The following SPRED1 variants were observed in gnomAD, a reference collection of about 807,000 sequenced individuals.
SPRED1 encodes sprouty-related, EVH1 domain-containing protein 1.
Under a neutral mutation model 52.3 loss-of-function variants are expected in SPRED1, and 18 were observed. The ratio of observed to expected loss-of-function variants is 0.34; its 90% confidence interval spans 0.24 to 0.51. The LOEUF is 0.51. Among genes scored for constraint, SPRED1 ranks in the 20% least tolerant of loss-of-function variants. SPRED1 has a pLI of 0.97. For synonymous variants in SPRED1, 155 were observed against 179.7 expected, an observed-to-expected ratio of 0.86 and a Z score of 1.10; for missense variants, 485 against 551.0, an observed-to-expected ratio of 0.88 and a Z score of 1.20.
At position 38,259,315 on chromosome 15, in the gene SPRED1, G is replaced by A. The variant is rs1214201302; in HGVS notation, c.32+6098G>A. ...TGTCCAGGCTGGAGGGCAGTACAGTGGTATGATCATAGCTCACTGCAGCCT... is the reference window on the plus strand; with the variant it reads ...TGTCCAGGCTGGAGGGCAGTACAGTAGTATGATCATAGCTCACTGCAGCCT... On this transcript the variant is annotated intron_variant, in intron 1 of 6. Transcript: ENST00000299084. Among the ~76,000 whole-genome samples, 4 of 152,226 alleles carry A rather than the reference G, an allele frequency of 2.6e-5. No homozygotes were observed. The East Asian group carries it at 7.7e-4, about 29-fold the overall frequency.
chr15:38,253,141 T>C lies in SPRED1; in HGVS notation c.-45T>C. ...TCGGTGCTGCTGTTGCTCCCCCGCC[T>C]GCTGTTGCTCCTCCATCTCCAGATC... On this transcript the variant is annotated 5_prime_UTR_variant, in exon 1 of 7. Transcript: ENST00000299084. 1 of 1,557,910 alleles carries C rather than the reference T, an allele frequency of 6.4e-7. No homozygotes were observed. The highest frequency in any genetic ancestry group is 8.7e-7 in the Non-Finnish European group (1 of 1,149,546).
chr15:38,301,725 T>C (rs1426288038), intron 2 of SPRED1, among the ~76,000 whole-genome samples: 1 of 152,188 alleles, frequency 6.6e-6, no homozygotes, highest in Non-Finnish European at 1.5e-5. Context: ...TTCTGAAAAG[T>C]CCAGCAGTAG....
chr15:38,320,927 G>A (rs1895590132), intron 2 of SPRED1, among the ~76,000 whole-genome samples: 1 of 152,146 alleles, frequency 6.6e-6, no homozygotes, highest in African/African-American at 2.4e-5. Flanking sequence ...AACTGTCCTG[G>A]AATGGATCCT....
In SPRED1 at chr15:38,357,053, G is replaced by A. The variant is rs192448813; in HGVS notation, c.*5389G>A. ...GAATAGCTTTTATAACAAGGAAATTGAAACTAGGGTTCTAGCTTGGCTATC... is the reference window on the plus strand; with the variant it reads ...GAATAGCTTTTATAACAAGGAAATTAAAACTAGGGTTCTAGCTTGGCTATC... On this transcript the variant is annotated 3_prime_UTR_variant, in exon 7 of 7. Transcript: ENST00000299084. 1.2e-4 allele frequency: 19 copies of A among 152,252 alleles called. No homozygotes were observed. The highest frequency in any genetic ancestry group is 1.0e-3 in the Admixed American group (16 of 15,282). The allele number at this position is 152,252 out of a possible 1,614,324, so 9.4% of individuals were successfully genotyped here.
At chr15:38,318,757 A>G (rs1030227912) in intron 2 of SPRED1, among the ~76,000 whole-genome samples, 4 of 152,214 alleles carry the variant, frequency 2.6e-5, no homozygotes, top group Non-Finnish European at 4.4e-5. Flanking sequence ...GCTGCAAAGC[A>G]CATGATTTCA....
intron 4 of SPRED1, among the ~76,000 whole-genome samples, chr15:38,334,891 AT>A (rs71129335): frequency 0.81 from 121,526 of 149,128 alleles, 50,272 homozygotes; most frequent in Non-Finnish European, 0.89. Flanking sequence ...AAAAGTACGG[AT>A]TTTTTTTTTT....
intron 4 of SPRED1, among the ~76,000 whole-genome samples, chr15:38,331,923 A>G (rs186955194): frequency 7.2e-4 from 109 of 152,352 alleles, no homozygotes; most frequent in Non-Finnish European, 1.2e-3. Flanking sequence ...AAAAAGAAGT[A>G]CATTACAATG....
At chr15:38,336,289 T>A (rs1895912851) in intron 4 of SPRED1, among the ~76,000 whole-genome samples, 7 of 151,488 alleles carry the variant, frequency 4.6e-5, no homozygotes, top group Admixed American at 4.6e-4. Context: ...AAAAAGTTTC[T>A]TGCATATGCA....
rs7180446 is a variant in SPRED1, at chr15:38,339,729, C to A, written c.424-8C>A. Reference sequence around the variant, plus strand: ...GGCAACTAATGCATTGAGGGTTGTTCCCAATAGGCAAATGAAGAGGATTCT... The same window carrying A: ...GGCAACTAATGCATTGAGGGTTGTTACCAATAGGCAAATGAAGAGGATTCT... On this transcript the variant is annotated splice_polypyrimidine_tract_variant and splice_region_variant and intron_variant, in intron 4 of 6. Transcript: ENST00000299084. 1,422,155 of 1,612,586 alleles carry A rather than the reference C, an allele frequency of 0.88. 629,837 individuals carry two copies. Among genetic ancestry groups the A allele is most frequent in the Non-Finnish European group, 0.9 (1,059,987 of 1,179,002 alleles).
At chr15:38,338,894 C>G (rs1444423998) in intron 4 of SPRED1, among the ~76,000 whole-genome samples, 1 of 151,868 alleles carries the variant, frequency 6.6e-6, no homozygotes, top group East Asian at 1.9e-4. Context: ...AAAAGAAAAG[C>G]TTATGAAAGG....
intron 1 of SPRED1, among the ~76,000 whole-genome samples, chr15:38,298,232 A>G (rs922897028): frequency 3.3e-5 from 5 of 152,212 alleles, no homozygotes; most frequent in Non-Finnish European, 7.4e-5. Context: ...GATGTGGTGC[A>G]TCTGAAACTG....
At chr15:38,283,621 AT>A in intron 1 of SPRED1, 1 of 541,630 alleles carries the variant, frequency 1.8e-6, no homozygotes, top group Non-Finnish European at 2.4e-6. Context: ...AAATATTCTT[AT>A]TTTTATATAA....
chr15:38,324,780 A>T lies in SPRED1; in HGVS notation c.394A>T (p.Asn132Tyr). 6.2e-7 allele frequency: 1 copy of T among 1,611,208 alleles called. No individual in the cohort carries two copies. Among genetic ancestry groups the T allele is most frequent in the Non-Finnish European group, 8.5e-7 (1 of 1,178,724 alleles). Residue 132 changes from asparagine to tyrosine, a missense_variant, in exon 4 of 7, where the codon AAT becomes TAT. By Grantham distance (143) the Asn-to-Tyr change is moderately radical. Around this residue, in one of 5 missense-constraint regions of SPRED1, gnomAD observed 232 missense variants for 231.8 expected, o/e 1.00. Transcript: ENST00000299084. ...DISQGCPESK[N>Y]EAEGADDLQA... The stretch of plus-strand genomic sequence containing the variant: ...TTTCTTAGGATGCCCCGAATCAAAA[A>T]ATGAAGCTGAAGGGGCAGATGACTT...
chr15:38,325,586 T>G (rs1895698107), intron 4 of SPRED1, among the ~76,000 whole-genome samples: 1 of 152,114 alleles, frequency 6.6e-6, no homozygotes, highest in Non-Finnish European at 1.5e-5. Context: ...TCAGAGGACC[T>G]CAATCTTTTT....
chr15:38,271,368 G>A (rs998134791), intron 1 of SPRED1, among the ~76,000 whole-genome samples: 6 of 152,198 alleles, frequency 3.9e-5, no homozygotes, highest in African/African-American at 1.4e-4. Flanking sequence ...AACAGATGGA[G>A]ATCAGGATGT....
At chr15:38,299,156 CAAGAGTAGTCTTTAAAATA>C (rs1415413644) in intron 1 of SPRED1, among the ~76,000 whole-genome samples, 198 bp from the exon 2 acceptor site, 1 of 152,146 alleles carries the variant, frequency 6.6e-6, no homozygotes, top group Non-Finnish European at 1.5e-5. Flanking sequence ...TCTTTTATTA[CAAGAGTAGTCTTTAAAATA>C]AAGGACAACC....
At chr15:38,295,008 TCATCGAGGTAA>T (rs1245070643) in intron 1 of SPRED1, among the ~76,000 whole-genome samples, 1 of 152,216 alleles carries the variant, frequency 6.6e-6, no homozygotes, top group Non-Finnish European at 1.5e-5. Context: ...AATTTTGGAT[TCATCGAGGTAA>T]CATTTCCTTG....
At chr15:38,266,287 C>T (rs1266845893) in intron 1 of SPRED1, among the ~76,000 whole-genome samples, 1 of 151,882 alleles carries the variant, frequency 6.6e-6, no homozygotes, top group Non-Finnish European at 1.5e-5. Context: ...TTATTGGATC[C>T]AAAAATCAAA....
intron 4 of SPRED1, among the ~76,000 whole-genome samples, chr15:38,338,945 G>A (rs890037445): frequency 3.3e-5 from 5 of 151,966 alleles, no homozygotes; most frequent in Non-Finnish European, 5.9e-5. Context: ...TGATTACTCT[G>A]AATTATTTTA....
Sources: gnomAD v4.1 joint callset for allele counts (sites outside exome capture counted in the v4.1 genomes callset) on GRCh38, gnomAD v4.1.1 for gene constraint, gnomAD v4.1.1 regional missense constraint, MANE v1.5 for transcripts, NCBI Gene and HGNC (gene_info 2026-07-23, HGNC 2026-07-21) for gene names.